UNC5C: variants seen among roughly 807,000 people sequenced by gnomAD.
UNC5C encodes netrin receptor UNC5C.
Under a neutral mutation model 99.8 loss-of-function variants are expected in UNC5C, and 47 were observed. The ratio of observed to expected loss-of-function variants is 0.47; its 90% CI spans 0.37 to 0.60. The LOEUF (loss-of-function observed/expected upper bound fraction) is 0.60. UNC5C is among the 20% of genes least tolerant of loss of function. The probability of loss-of-function intolerance (pLI) is 0.00; values close to 1 mark genes in which losing one functional copy is unlikely to be tolerated. For missense variants in UNC5C, 1,062 were observed against 1,165.9 expected (o/e 0.91, Z 1.30); for synonymous variants, 487 against 452.2 (o/e 1.08, Z -0.98).
chr4:95,465,126 C>T (rs897349500), intron 1 of UNC5C, among the ~76,000 whole-genome samples: 3 of 152,000 alleles, frequency 2.0e-5, no homozygotes, highest in African/African-American at 4.8e-5. Flanking sequence ...AAATGAATAC[C>T]GTATGGGTCA....
chr4:95,245,535 G>T lies in UNC5C; in HGVS notation c.776-391C>A, dbSNP rs116438518. On this transcript the variant is annotated intron_variant, in intron 5 of 15. Transcript: ENST00000453304. ...AAGCCTGCAAGTCAATCTATAGCAT[G>T]GGAACAGAATAAAATAATTTAGCCT... 3.0e-3 allele frequency among the ~76,000 whole-genome samples: 452 copies of T among 152,146 alleles called. 1 individual carries two copies. Among genetic ancestry groups the T allele is most frequent in the African/African-American group, 0.01 (429 of 41,500 alleles).
chr4:95,181,246 C>T (rs930905196), intron 14 of UNC5C, among the ~76,000 whole-genome samples: 4 of 152,170 alleles, frequency 2.6e-5, no homozygotes, highest in African/African-American at 9.7e-5. Context: ...AGACTGACAC[C>T]GTGTTGCAAA....
At chr4:95,284,151 C>T (rs902561946) in intron 3 of UNC5C, among the ~76,000 whole-genome samples, 5 of 151,848 alleles carry the variant, frequency 3.3e-5, no homozygotes, top group African/African-American at 4.8e-5. Context: ...TATACTGTGG[C>T]TACAAATTAG....
intron 1 of UNC5C, among the ~76,000 whole-genome samples, chr4:95,404,873 G>A (rs959306205): frequency 6.6e-6 from 1 of 152,148 alleles, no homozygotes; most frequent in African/African-American, 2.4e-5. Flanking sequence ...GCAGAGAAAG[G>A]GAGAAAAGGA....
intron 1 of UNC5C, among the ~76,000 whole-genome samples, chr4:95,338,228 A>G (rs956159): frequency 0.44 from 67,542 of 151,802 alleles, 15,695 homozygotes; most frequent in East Asian, 0.83. Flanking sequence ...ATACTAAAAG[A>G]ACACTTTCTG....
At chr4:95,304,889 C>T (rs978512252) in intron 2 of UNC5C, among the ~76,000 whole-genome samples, 3 of 152,184 alleles carry the variant, frequency 2.0e-5, no homozygotes, top group African/African-American at 7.2e-5. Context: ...TACAGGAAGC[C>T]TAATTAAATG....
intron 1 of UNC5C, among the ~76,000 whole-genome samples, chr4:95,364,842 TACTA>T (rs541352202): frequency 1.4e-4 from 21 of 152,284 alleles, no homozygotes; most frequent in African/African-American, 4.6e-4. Flanking sequence ...TTTTCTGCCC[TACTA>T]ACTTTCTCAA....
intron 1 of UNC5C, among the ~76,000 whole-genome samples, chr4:95,377,047 A>T (rs1744916387): frequency 6.6e-6 from 1 of 152,188 alleles, no homozygotes; most frequent in Non-Finnish European, 1.5e-5. Flanking sequence ...TAGGGAAATC[A>T]CTGTTCAGTA....
intron 1 of UNC5C, among the ~76,000 whole-genome samples, chr4:95,354,868 G>T (rs531493264): frequency 3.3e-5 from 5 of 151,862 alleles, no homozygotes; most frequent in Admixed American, 3.3e-4. Flanking sequence ...TCTCCCACCC[G>T]TATCTTCAAC....
intron 1 of UNC5C, among the ~76,000 whole-genome samples, chr4:95,341,687 G>T (rs934111835): frequency 6.6e-6 from 1 of 152,114 alleles, no homozygotes; most frequent in Non-Finnish European, 1.5e-5. Flanking sequence ...ACCTTCATGA[G>T]AACCAAAACT....
chr4:95,271,232 A>ATT (rs201364522), intron 4 of UNC5C, among the ~76,000 whole-genome samples: 4,814 of 112,282 alleles, frequency 0.043, 278 homozygotes, highest in African/African-American at 0.13. Flanking sequence ...TTTTTTATTT[A>ATT]TTTTTTTTTT....
intron 1 of UNC5C, among the ~76,000 whole-genome samples, chr4:95,414,940 G>A (rs886549227): frequency 2.0e-5 from 3 of 152,074 alleles, no homozygotes; most frequent in African/African-American, 7.2e-5. Flanking sequence ...TTTTACAAGT[G>A]GGAAATAAGA....
Position 95,424,609 on chromosome 4 carries a change from C to T in UNC5C, c.125-88978G>A, listed in dbSNP as rs994176154. Among the ~76,000 whole-genome samples the T allele has an allele frequency of 2.0e-5, 3 of 147,936 alleles. No homozygotes were observed. In the Admixed American group the frequency reaches 2.0e-4, roughly 10 times the overall value. ...CAATCTCGGCTCACTGCAAGCTCCACCTCCCGGGTTCATGCCATTCTCCTG... is the reference window on the plus strand; with the variant it reads ...CAATCTCGGCTCACTGCAAGCTCCATCTCCCGGGTTCATGCCATTCTCCTG... On this transcript the variant is annotated intron_variant, in intron 1 of 15. Transcript: ENST00000453304.
At chr4:95,205,912 C>A (rs1426062338) in intron 11 of UNC5C, among the ~76,000 whole-genome samples, 1 of 152,000 alleles carries the variant, frequency 6.6e-6, no homozygotes, top group Non-Finnish European at 1.5e-5. Flanking sequence ...GAACTGTATC[C>A]CAGGTACATG....
At chr4:95,398,433 T>C (rs1467731548) in intron 1 of UNC5C, among the ~76,000 whole-genome samples, 1 of 121,344 alleles carries the variant, frequency 8.2e-6, no homozygotes, top group Non-Finnish European at 1.6e-5. Flanking sequence ...CTTCATTCAC[T>C]CATTCATTCA....
chr4:95,247,463 G>A (rs1183289112), intron 5 of UNC5C, among the ~76,000 whole-genome samples: 1 of 152,158 alleles, frequency 6.6e-6, no homozygotes, highest in African/African-American at 2.4e-5. Context: ...CTGGCAAGCT[G>A]ATATTTGGGG....
chr4:95,516,777 G>A (rs904348318), intron 1 of UNC5C, among the ~76,000 whole-genome samples: 1 of 152,052 alleles, frequency 6.6e-6, no homozygotes, highest in East Asian at 1.9e-4. Context: ...TTATCATCTT[G>A]GAGAGCCAAG....
At chr4:95,291,025 A>G (rs75619132) in intron 3 of UNC5C, among the ~76,000 whole-genome samples, 122 of 152,288 alleles carry the variant, frequency 8.0e-4, no homozygotes, top group African/African-American at 2.8e-3. Context: ...AATTTCAGCC[A>G]TTCTTCGTTA....
chr4:95,222,282 A>G, intron 7 of UNC5C: 1 of 1,417,972 alleles, frequency 7.1e-7, no homozygotes, highest in Non-Finnish European at 9.3e-7. Context: ...AAAGAAAAAA[A>G]AATGAAACAA....
Sources: allele counts gnomAD v4.1 joint callset (sites outside exome capture counted in the v4.1 genomes callset), GRCh38; gene constraint gnomAD v4.1.1; transcripts MANE v1.5; gene names NCBI Gene and HGNC (gene_info 2026-07-23, HGNC 2026-07-21).